HS1BP3: variants seen among roughly 807,000 people sequenced by gnomAD.
HS1BP3 encodes the protein HCLS1 binding protein 3, also known as HCLS1-binding protein 3.
In HS1BP3, 32 loss-of-function variants were observed where a neutral mutation model predicts 33.5. The ratio of observed to expected loss-of-function variants is 0.95; its 90% CI spans 0.72 to 1.28. The LOEUF is 1.28. Ranked by LOEUF, HS1BP3 falls within the 50% of genes most tolerant of loss-of-function variation. HS1BP3 has a pLI of 0.00. For missense variants in HS1BP3, 486 were observed against 502.3 expected, an observed-to-expected ratio of 0.97 and a Z score of 0.31; for synonymous variants, 187 against 209.2, an observed-to-expected ratio of 0.89 and a Z score of 0.92.
At chr2:20,594,585 C>T (rs112615869) in intron 3 of HS1BP3, among the ~76,000 whole-genome samples, 222 of 152,330 alleles carry the variant, frequency 1.5e-3, no homozygotes, top group African/African-American at 5.1e-3. Context: ...TCCTCTGGCT[C>T]AGGATTTGCA....
chr2:20,640,554 G>C (rs1695305771), intron 3 of HS1BP3: 2 of 438,164 alleles, frequency 4.6e-6, no homozygotes, highest in Non-Finnish European at 8.1e-6. Flanking sequence ...CAGGTCACCA[G>C]CCAGGCTGTG....
At chr2:20,608,296 C>T (rs1209783057) in intron 2 of HS1BP3, among the ~76,000 whole-genome samples, 2 of 151,858 alleles carry the variant, frequency 1.3e-5, no homozygotes, top group Admixed American at 1.3e-4. Context: ...AGAAACAGGC[C>T]GGGTGTGGTG....
In HS1BP3 at chr2:20,618,958, C is replaced by T. The variant is rs751768702; in HGVS notation, c.*29G>A. The T allele has an allele frequency of 2.5e-6, 4 of 1,600,574 alleles. No homozygotes were observed. Among genetic ancestry groups the T allele is most frequent in the Non-Finnish European group, 3.4e-6 (4 of 1,171,570 alleles). ...CACACCGATGTCCCCACAGACAGGC[C>T]TGCTGGGCCAGGGGCCAGCATGGAA... is the stretch of plus-strand genomic sequence containing the variant. On this transcript the variant is annotated 3_prime_UTR_variant, in exon 7 of 7. Transcript: ENST00000304031.
chr2:20,628,678 C>G (rs780071165), intron 4 of HS1BP3, among the ~76,000 whole-genome samples: 3 of 151,824 alleles, frequency 2.0e-5, no homozygotes, highest in Admixed American at 6.6e-5. Flanking sequence ...CAGGGTGTTC[C>G]GCTCTGTCAC....
At chr2:20,565,008 G>A (rs990331100) in intron 5 of HS1BP3, among the ~76,000 whole-genome samples, 2 of 152,212 alleles carry the variant, frequency 1.3e-5, no homozygotes, top group Middle Eastern at 3.2e-3. Context: ...GGCTCAGGAA[G>A]TGGAGAGGGA....
downstream of HS1BP3, among the ~76,000 whole-genome samples, chr2:20,589,157 G>C (rs1329385799): frequency 6.6e-6 from 1 of 152,228 alleles, no homozygotes; most frequent in Non-Finnish European, 1.5e-5. Context: ...TGGGTGCATA[G>C]ATTGGTCAGC....
intron 5 of HS1BP3, among the ~76,000 whole-genome samples, chr2:20,586,070 G>A (rs943341398): frequency 6.6e-6 from 1 of 152,230 alleles, no homozygotes; most frequent in African/African-American, 2.4e-5. Flanking sequence ...CCAGCTACAG[G>A]CTCCGAGGTT....
At chr2:20,561,370 A>G (rs565729660) in intron 5 of HS1BP3, among the ~76,000 whole-genome samples, 7 of 152,356 alleles carry the variant, frequency 4.6e-5, no homozygotes, top group Admixed American at 3.9e-4. Flanking sequence ...ACACATTTGC[A>G]GAACAAATGG....
intron 5 of HS1BP3, among the ~76,000 whole-genome samples, chr2:20,567,391 G>A (rs1693155540): frequency 6.6e-6 from 1 of 152,190 alleles, no homozygotes; most frequent in Non-Finnish European, 1.5e-5. Context: ...CCAGTCAGAC[G>A]CTGGGGAATC....
At chr2:20,569,178 T>A (rs777130474) in intron 5 of HS1BP3, among the ~76,000 whole-genome samples, 1 of 152,082 alleles carries the variant, frequency 6.6e-6, no homozygotes, top group Non-Finnish European at 1.5e-5. Context: ...GAGGCCCATG[T>A]CCCACCACCC....
downstream of HS1BP3, among the ~76,000 whole-genome samples, chr2:20,613,496 G>C (rs1401982831): frequency 6.6e-6 from 1 of 152,204 alleles, no homozygotes; most frequent in Non-Finnish European, 1.5e-5. Flanking sequence ...GGCACTGCTG[G>C]AGGAAGGAAG....
At chr2:20,556,450 C>T (rs1692843312), downstream of HS1BP3, among the ~76,000 whole-genome samples, 6 of 141,576 alleles carry the variant, frequency 4.2e-5, no homozygotes, top group South Asian at 1.4e-3. Flanking sequence ...TCATCAGACC[C>T]TTCAACTTTA....
downstream of HS1BP3, among the ~76,000 whole-genome samples, chr2:20,558,134 C>T (rs79563108): frequency 0.017 from 2,538 of 152,294 alleles, 41 homozygotes; most frequent in South Asian, 0.057. Flanking sequence ...CCTCTTGACA[C>T]CAGCAGCCAG....
At position 20,638,717 on chromosome 2, in the gene HS1BP3, C is replaced by T. The variant is rs952717199; in HGVS notation, c.407-65G>A. 4 of 1,250,740 alleles carry T rather than the reference C, an allele frequency of 3.2e-6. No homozygotes were observed. In the African/African-American group the frequency reaches 5.9e-5, roughly 19 times the overall value. The allele number at this position is 1,250,740 out of a possible 1,614,324, so 77.5% of individuals were successfully genotyped here. Reference sequence around the variant, plus strand: ...CCCAGAGCCAGGGGAGGCATCTTGCCACACTGCACCCTCCCATGCCAGGAT... The same window carrying T: ...CCCAGAGCCAGGGGAGGCATCTTGCTACACTGCACCCTCCCATGCCAGGAT... On this transcript the variant is annotated intron_variant, in intron 3 of 6. Transcript: ENST00000304031.
intron 5 of HS1BP3, among the ~76,000 whole-genome samples, chr2:20,584,538 AG>A (rs1260899235): frequency 6.6e-6 from 1 of 152,232 alleles, no homozygotes; most frequent in Non-Finnish European, 1.5e-5. Context: ...GGGGAGGAGC[AG>A]AACCAAGAGG....
intron 1 of HS1BP3, 71 bp from the exon 2 acceptor site, chr2:20,645,576 G>T: frequency 6.8e-7 from 1 of 1,478,756 alleles, no homozygotes; most frequent in South Asian, 1.3e-5. Flanking sequence ...AGTGCAGGCA[G>T]GGCCTCTGGG....
intron 2 of HS1BP3, chr2:20,606,162 G>A: frequency 5.5e-6 from 1 of 180,884 alleles, no homozygotes; most frequent in East Asian, 1.6e-4. Flanking sequence ...ATTTAAGTGG[G>A]TATCTCATTG....
At chr2:20,614,666 A>G (rs867621993), downstream of HS1BP3, among the ~76,000 whole-genome samples, 68 of 152,242 alleles carry the variant, frequency 4.5e-4, no homozygotes, top group African/African-American at 1.4e-3. Flanking sequence ...AACAAACGAC[A>G]TGATTGGCCA....
At chr2:20,585,844 TCAGGCACGGCACCTACTGTGTGC>T (rs1485138749) in intron 5 of HS1BP3, among the ~76,000 whole-genome samples, 1 of 152,184 alleles carries the variant, frequency 6.6e-6, no homozygotes, top group Non-Finnish European at 1.5e-5. Flanking sequence ...CTACTGTGTG[TCAGGCACGGCACCTACTGTGTGC>T]CAGGCACAGC....
Sources: gnomAD v4.1 joint callset for allele counts (sites outside exome capture counted in the v4.1 genomes callset) on GRCh38, gnomAD v4.1.1 for gene constraint, MANE v1.5 for transcripts, NCBI Gene and HGNC (gene_info 2026-07-23, HGNC 2026-07-21) for gene names.